The following SPIDR variants were observed in gnomAD, a reference collection of about 807,000 sequenced individuals.
The protein encoded by SPIDR is DNA repair-scaffolding protein.
In SPIDR, 93 loss-of-function variants were observed where a neutral mutation model predicts 104.6. That is an observed-to-expected ratio of 0.89 (90% CI 0.75 to 1.06). SPIDR has a LOEUF of 1.06. Ranked by LOEUF, SPIDR falls within the 50% of genes least tolerant of loss-of-function variation. SPIDR has a pLI of 0.00. For synonymous variants in SPIDR, 431 were observed against 416.9 expected (o/e 1.03, Z -0.41); for missense variants, 1,154 against 1,111.2 (o/e 1.04, Z -0.55).
intron 8 of SPIDR, among the ~76,000 whole-genome samples, chr8:47,534,889 A>C (rs2086645167): frequency 6.6e-6 from 1 of 152,156 alleles, no homozygotes; most frequent in Non-Finnish European, 1.5e-5. Context: ...AATAAAATTG[A>C]TAAATGTGGA....
chr8:47,297,158 C>T lies in SPIDR; in HGVS notation c.525+3128C>T, dbSNP rs1424256562. 2.6e-5 allele frequency among the ~76,000 whole-genome samples: 4 copies of T among 152,252 alleles called. No homozygotes were observed. The East Asian group carries it at 7.7e-4, about 29-fold the overall frequency. ...TCTATATGTGAGACCATGACATCAG[C>T]AAACAGATGATTTCTCTTCTTCCTC... On this transcript the variant is annotated intron_variant, in intron 5 of 19. Coordinates refer to ENST00000297423, the MANE Select transcript of SPIDR (RefSeq NM_001080394.4).
intron 14 of SPIDR, 68 bp downstream of exon 14, chr8:47,702,083 TCTCTCTCTCTCTCTTACACA>T (rs780979723): frequency 0.011 from 3,352 of 316,536 alleles, 61 homozygotes; most frequent in Non-Finnish European, 0.012. Context: ...TCTCTCTCTC[TCTCTCTCTCTCTCTTACACA>T]CACACACACA....
At chr8:47,611,288 A>G (rs2154431005) in intron 10 of SPIDR, among the ~76,000 whole-genome samples, 1 of 152,294 alleles carries the variant, frequency 6.6e-6, no homozygotes, top group East Asian at 1.9e-4. Flanking sequence ...GACACTGGGA[A>G]CCAAGGTCCC....
intron 7 of SPIDR, among the ~76,000 whole-genome samples, chr8:47,435,533 G>A (rs1180817789): frequency 3.9e-5 from 6 of 151,950 alleles, no homozygotes; most frequent in African/African-American, 1.5e-4. Flanking sequence ...TAGATCTCTT[G>A]GTGTATCTTC....
rs146549773 is a variant in SPIDR, at chr8:47,681,181, T to G, written c.1685+7240T>G. Among the ~76,000 whole-genome samples, 244 of 152,352 alleles carry G rather than the reference T, an allele frequency of 1.6e-3. 1 individual carries two copies. The highest frequency in any genetic ancestry group is 5.7e-3 in the African/African-American group (238 of 41,582). On this transcript the variant is annotated intron_variant, in intron 11 of 19. Coordinates refer to ENST00000297423, the MANE Select transcript of SPIDR (RefSeq NM_001080394.4). ...TGTTACTTCAAGCCCTTCATCAGTT[T>G]AGGAGTATGTTTTGTGTTTTCCCTA...
rs538513646 is a variant in SPIDR, at chr8:47,599,015, A to T, written c.1363A>T (p.Ile455Phe). The T allele has an allele frequency of 6.2e-7, 1 of 1,613,596 alleles. No homozygotes were observed. Among genetic ancestry groups the T allele is most frequent in the African/African-American group, 1.3e-5 (1 of 75,034 alleles). ...THGHKEAKQR[I>F]PTSTPLRDSL... is the part of the protein sequence containing the mutation. ...TGGGCACAAAGAAGCAAAACAGCGCATCCCAACCAGCACTCCCCTGAGGGA... is the reference window on the plus strand; with the variant it reads ...TGGGCACAAAGAAGCAAAACAGCGCTTCCCAACCAGCACTCCCCTGAGGGA... Residue 455 changes from isoleucine to phenylalanine, a missense_variant, in exon 10 of 20, where the codon ATC becomes TTC. By Grantham distance (21) the Ile-to-Phe change is conservative (BLOSUM62 0). Transcript: ENST00000297423.
intron 10 of SPIDR, among the ~76,000 whole-genome samples, chr8:47,658,942 C>CA (rs772463596): frequency 0.014 from 1,037 of 71,824 alleles, 13 homozygotes; most frequent in Middle Eastern, 0.029. Context: ...ATCTCCATCT[C>CA]AAAAAAAAAA....
intron 5 of SPIDR, among the ~76,000 whole-genome samples, chr8:47,375,784 A>C (rs2058602839): frequency 6.6e-6 from 1 of 152,190 alleles, no homozygotes; most frequent in African/African-American, 2.4e-5. Context: ...CTTTTAATAC[A>C]GTTGTCATTA....
At chr8:47,611,616 T>C (rs889347325) in intron 10 of SPIDR, among the ~76,000 whole-genome samples, 1 of 151,724 alleles carries the variant, frequency 6.6e-6, no homozygotes, top group African/African-American at 2.4e-5. Context: ...GAGAGTGGCG[T>C]CAACCCAGGA....
At chr8:47,592,276 C>T (rs1273627609) in intron 8 of SPIDR, 1 of 1,184,772 alleles carries the variant, frequency 8.4e-7, no homozygotes, top group African/African-American at 1.5e-5. Context: ...ATAACAAGGC[C>T]TGGGTTGATA....
chr8:47,462,651 A>G (rs143855360), intron 8 of SPIDR, among the ~76,000 whole-genome samples: 1 of 152,362 alleles, frequency 6.6e-6, no homozygotes, highest in East Asian at 1.9e-4. Flanking sequence ...ACCTATCTGT[A>G]CATGTTAAGG....
intron 8 of SPIDR, among the ~76,000 whole-genome samples, chr8:47,466,887 G>A (rs1158893440): frequency 3.5e-4 from 17 of 48,960 alleles, no homozygotes; most frequent in African/African-American, 7.3e-4. Context: ...AGTTTTTTTT[G>A]AAAAAAAAAA....
At chr8:47,521,548 G>A (rs1587077526) in intron 8 of SPIDR, among the ~76,000 whole-genome samples, 2 of 150,296 alleles carry the variant, frequency 1.3e-5, no homozygotes, top group Admixed American at 6.6e-5. Context: ...CTTAGCCTCC[G>A]GAGTAGCTGG....
At chr8:47,270,603 A>G (rs1387520816) in intron 1 of SPIDR, among the ~76,000 whole-genome samples, 2 of 149,334 alleles carry the variant, frequency 1.3e-5, no homozygotes, top group Non-Finnish European at 1.5e-5. Flanking sequence ...TTTTTTTTTT[A>G]TATTCTTTGT....
At chr8:47,466,918 TAGATAGATAGATAG>T (rs2074940266) in intron 8 of SPIDR, among the ~76,000 whole-genome samples, 3 of 123,742 alleles carry the variant, frequency 2.4e-5, no homozygotes, top group African/African-American at 1.0e-4. Flanking sequence ...TATATATAGA[TAGATAGATAGATAG>T]ATAGATAGAT....
rs56105115 is a variant in SPIDR at position 47,572,673 on chromosome 8, A to AAAATAAATAAATAAATAAAT, written c.1098-23119_1098-23100dup. Among the ~76,000 whole-genome samples, 729 of 145,870 alleles carry AAAATAAATAAATAAATAAAT rather than the reference A, an allele frequency of 5.0e-3. 6 individuals are homozygous for AAAATAAATAAATAAATAAAT. The highest frequency in any genetic ancestry group is 7.8e-3 in the Non-Finnish European group (520 of 66,440). On this transcript the variant is annotated intron_variant, in intron 8 of 19. Transcript: ENST00000297423. ...CAAGACTCCATCTCAAAATTAAATTAAAATAAATAAATAAATAAATAAATA... is the reference window on the plus strand; with the variant it reads ...CAAGACTCCATCTCAAAATTAAATTAAAATAAATAAATAAATAAATAAATAAATAAATAAATAAATAAATA...
intron 8 of SPIDR, among the ~76,000 whole-genome samples, chr8:47,500,258 A>G (rs2080168603): frequency 6.6e-6 from 1 of 152,210 alleles, no homozygotes; most frequent in Non-Finnish European, 1.5e-5. Context: ...CAGTCCCACC[A>G]ACAGTGTAAA....
At chr8:47,442,731 ACTC>A (rs2069681713) in intron 8 of SPIDR, among the ~76,000 whole-genome samples, 1 of 147,710 alleles carries the variant, frequency 6.8e-6, no homozygotes, top group African/African-American at 2.5e-5. Flanking sequence ...TTTTTAAAAA[ACTC>A]CTCCCTCCTC....
At chr8:47,385,599 A>G (rs546793442) in intron 5 of SPIDR, among the ~76,000 whole-genome samples, 5 of 152,330 alleles carry the variant, frequency 3.3e-5, no homozygotes, top group African/African-American at 1.2e-4. Flanking sequence ...TCAGTGGCCA[A>G]GTGCTTCTGC....
Sources: gnomAD v4.1 joint callset for allele counts (sites outside exome capture counted in the v4.1 genomes callset) on GRCh38, gnomAD v4.1.1 for gene constraint, MANE v1.5 for transcripts, NCBI Gene and HGNC (gene_info 2026-07-23, HGNC 2026-07-21) for gene names.